Variants in ATP11B observed in about 807,000 individuals in gnomAD.
ATP11B encodes the protein phospholipid-transporting ATPase IF.
A neutral mutation model predicts 157.8 loss-of-function variants in ATP11B; 81 were observed. The ratio of observed to expected loss-of-function variants is 0.51; its 90% CI spans 0.43 to 0.62. The LOEUF (loss-of-function observed/expected upper bound fraction) is 0.62, where lower values mean the gene tolerates loss of function less well. Among genes scored for constraint, ATP11B ranks in the 20% least tolerant of loss-of-function variants. The probability of loss-of-function intolerance (pLI) is 0.00; values close to 1 mark genes in which losing one functional copy is unlikely to be tolerated. For synonymous variants in ATP11B, 451 were observed against 469.4 expected, an observed-to-expected ratio of 0.96 and a Z score of 0.51; for missense variants, 1,165 against 1,402.2, an observed-to-expected ratio of 0.83 and a Z score of 2.70.
At chr3:182,852,929 A>T (rs1025300337) in intron 10 of ATP11B, among the ~76,000 whole-genome samples, 1 of 152,234 alleles carries the variant, frequency 6.6e-6, no homozygotes, top group Non-Finnish European at 1.5e-5. Flanking sequence ...AAAATTTAAA[A>T]ATACAAGCCA....
chr3:182,903,447 G>C (rs1409897454), intron 28 of ATP11B, among the ~76,000 whole-genome samples: 1 of 151,988 alleles, frequency 6.6e-6, no homozygotes, highest in African/African-American at 2.4e-5. Flanking sequence ...CAAATGAATG[G>C]CTTTTACGAA....
chr3:182,921,039 G>A lies in ATP11B; in HGVS notation c.*2935G>A, dbSNP rs535555576. The A allele has an allele frequency of 4.6e-5, 7 of 152,232 alleles. No homozygotes were observed. The East Asian group carries it at 5.8e-4, about 13-fold the overall frequency. 9.4% of individuals were successfully genotyped at this position (152,232 alleles called of 1,614,324 possible). ...ATTGTGAGATTGAACTTATCTGATC[G>A]CTTGAGACTCCTAATAGGCAGGAGT... On this transcript the variant is annotated 3_prime_UTR_variant, in exon 30 of 30. Coordinates refer to ENST00000323116, the MANE Select transcript of ATP11B (RefSeq NM_014616.3).
At chr3:182,905,383 A>C (rs1724273482) in intron 28 of ATP11B, among the ~76,000 whole-genome samples, 1 of 152,236 alleles carries the variant, frequency 6.6e-6, no homozygotes, top group Non-Finnish European at 1.5e-5. Flanking sequence ...ACACATGCTC[A>C]ACATTTCTAA....
chr3:182,919,640 G>C lies in ATP11B; in HGVS notation c.*1536G>C, dbSNP rs981970417. On this transcript the variant is annotated 3_prime_UTR_variant, in exon 30 of 30. Coordinates refer to ENST00000323116, the MANE Select transcript of ATP11B (RefSeq NM_014616.3). ...TTCCTTTATGGAGATTTATTGTGCA[G>C]CCCTAAGCTTCCTTCCCATTTCATG... 6.6e-6 allele frequency: 1 copy of C among 152,158 alleles called. No individual in the cohort carries two copies. Among genetic ancestry groups the C allele is most frequent in the Admixed American group, 6.5e-5 (1 of 15,276 alleles). The allele number at this position is 152,158 out of a possible 1,614,324, so 9.4% of individuals were successfully genotyped here. A position where few individuals can be genotyped will look rare whatever the true frequency, so the allele number is the denominator to read the frequency against.
In ATP11B at chr3:182,829,641, T is replaced by C. The variant is rs377229859; in HGVS notation, c.235-31T>C. ...GTGTGATGTGCACAATATAAAAATA[T>C]AATATTCTGTATTCTTTTTTATAAA... On this transcript the variant is annotated intron_variant, in intron 3 of 29. Transcript: ENST00000323116. The C allele has an allele frequency of 7.0e-5, 97 of 1,385,700 alleles. 1 individual carries two copies. The African/African-American group carries it at 1.3e-3, about 18-fold the overall frequency. 85.8% of individuals were successfully genotyped at this position (1,385,700 alleles called of 1,614,324 possible). A position where few individuals can be genotyped will look rare whatever the true frequency, so the allele number is the denominator to read the frequency against.
At chr3:182,799,526 C>T (rs1338658344) in intron 1 of ATP11B, among the ~76,000 whole-genome samples, 1 of 152,212 alleles carries the variant, frequency 6.6e-6, no homozygotes. Flanking sequence ...CCGCCCGCCT[C>T]GGCCTCCGGA....
rs1721246972 is a variant in ATP11B, at chr3:182,866,530, C to T, written c.1619+87C>T. ...AGAATCATCATTTAAAATTTTCAAACATAAATTCGTCATTTTAAGTTGTCA... is the reference window on the plus strand; with the variant it reads ...AGAATCATCATTTAAAATTTTCAAATATAAATTCGTCATTTTAAGTTGTCA... On this transcript the variant is annotated intron_variant, in intron 14 of 29. Coordinates refer to ENST00000323116, the MANE Select transcript of ATP11B (RefSeq NM_014616.3). The T allele has an allele frequency of 2.6e-6, 3 of 1,163,418 alleles. No homozygotes were observed. In the South Asian group the frequency reaches 8.1e-5, roughly 31 times the overall value. 72.1% of individuals were successfully genotyped at this position (1,163,418 alleles called of 1,614,324 possible). A position where few individuals can be genotyped will look rare whatever the true frequency, so the allele number is the denominator to read the frequency against.
chr3:182,895,885 G>A (rs1723513845), intron 25 of ATP11B, among the ~76,000 whole-genome samples: 1 of 152,110 alleles, frequency 6.6e-6, no homozygotes, highest in Non-Finnish European at 1.5e-5. Context: ...CCTTTATCCA[G>A]CAAGATACGA....
chr3:182,901,318 G>A (rs1371518514), intron 28 of ATP11B, among the ~76,000 whole-genome samples: 2 of 127,964 alleles, frequency 1.6e-5, no homozygotes, highest in East Asian at 2.4e-4. Context: ...CACCCTAGGC[G>A]ACAAAGTGAG....
rs1722030638 is a variant in ATP11B at position 182,876,223 on chromosome 3, A to T, written c.2252+2208A>T. On this transcript the variant is annotated intron_variant, in intron 19 of 29. Coordinates refer to ENST00000323116, the MANE Select transcript of ATP11B (RefSeq NM_014616.3). ...TTGCCTAAAAAATAAAAATAATTTT[A>T]AAAAATATTTTTCTGATTATAAAAA... Among the ~76,000 whole-genome samples the T allele has an allele frequency of 3.3e-5, 5 of 152,332 alleles. No homozygotes were observed. In the South Asian group the frequency reaches 1.0e-3, roughly 32 times the overall value.
At chr3:182,909,118 A>G (rs908174862) in intron 28 of ATP11B, among the ~76,000 whole-genome samples, 5 of 152,254 alleles carry the variant, frequency 3.3e-5, no homozygotes, top group African/African-American at 4.8e-5. Flanking sequence ...TCTAAAATTT[A>G]TAAGATTTAA....
intron 1 of ATP11B, among the ~76,000 whole-genome samples, chr3:182,797,978 G>T (rs971100566): frequency 1.3e-5 from 2 of 151,354 alleles, no homozygotes; most frequent in African/African-American, 4.9e-5. Flanking sequence ...CTCTAGGAAA[G>T]AAAAAAAAAT....
chr3:182,873,907 G>A lies in ATP11B; in HGVS notation c.2144G>A (p.Ser715Asn), dbSNP rs1273735164. Residue 715 changes from serine (S) to asparagine (N), a missense_variant, in exon 19 of 30, where the codon AGT becomes AAT. Physicochemically the swap from Ser to Asn is conservative, Grantham distance 46. Transcript: ENST00000323116. ...GGGGATAAACATGAAACAGCTGTTA[G>A]TGTGAGTTTATCATGTGGCCATTTT... Reference protein sequence around the residue: ...LTGDKHETAVSVSLSCGHFHR... With the variant: ...LTGDKHETAVNVSLSCGHFHR... The A allele has an allele frequency of 6.2e-7, 1 of 1,614,100 alleles. No homozygotes were observed. The highest frequency in any genetic ancestry group is 8.5e-7 in the Non-Finnish European group (1 of 1,179,940).
chr3:182,834,592 A>G (rs1470918585), intron 4 of ATP11B, among the ~76,000 whole-genome samples: 3 of 152,170 alleles, frequency 2.0e-5, no homozygotes, highest in Non-Finnish European at 4.4e-5. Flanking sequence ...ATATGATTCC[A>G]TTATCTATAC....
At chr3:182,856,400 AAGG>A (rs1720406346) in intron 10 of ATP11B, among the ~76,000 whole-genome samples, 2 of 152,110 alleles carry the variant, frequency 1.3e-5, no homozygotes, top group African/African-American at 2.4e-5. Flanking sequence ...TGTAGGGAAA[AAGG>A]AGAATATGTC....
At chr3:182,845,415 T>A in intron 8 of ATP11B, 43 bp from the exon 9 acceptor site, 1 of 1,514,484 alleles carries the variant, frequency 6.6e-7, no homozygotes, top group Non-Finnish European at 9.0e-7. Flanking sequence ...TGAAGAGTTT[T>A]TAATATATTC....
chr3:182,861,011 G>C (rs1028292495), intron 12 of ATP11B, among the ~76,000 whole-genome samples: 2 of 151,434 alleles, frequency 1.3e-5, no homozygotes, highest in African/African-American at 4.9e-5. Context: ...CCTAGTAAAA[G>C]CCACAGGGTT....
intron 12 of ATP11B, among the ~76,000 whole-genome samples, chr3:182,864,205 A>G (rs538549761): frequency 3.9e-5 from 6 of 152,188 alleles, no homozygotes; most frequent in African/African-American, 1.2e-4. Flanking sequence ...TCATGTGCAA[A>G]TGGAGATAGT....
At chr3:182,802,851 C>T (rs1716096019) in intron 1 of ATP11B, among the ~76,000 whole-genome samples, 1 of 152,056 alleles carries the variant, frequency 6.6e-6, no homozygotes, top group African/African-American at 2.4e-5. Context: ...ACTCTGCATC[C>T]CCTTTTAGGT....
Sources: gnomAD v4.1 joint callset for allele counts (sites outside exome capture counted in the v4.1 genomes callset) on GRCh38, gnomAD v4.1.1 for gene constraint, MANE v1.5 for transcripts, NCBI Gene and HGNC (gene_info 2026-07-23, HGNC 2026-07-21) for gene names.